CTNND2: variants seen among roughly 807,000 people sequenced by gnomAD.
The protein encoded by CTNND2 is catenin delta 2, also known as catenin delta-2.
A neutral mutation model predicts 144.4 loss-of-function variants in CTNND2; 22 were observed. The ratio of observed to expected loss-of-function variants is 0.15; its 90% CI spans 0.11 to 0.22. The LOEUF is 0.22. Among genes scored for constraint, CTNND2 ranks in the 10% least tolerant of loss-of-function variants. CTNND2 has a pLI of 1.00. For missense variants in CTNND2, 1,353 were observed against 1,618.8 expected (o/e 0.84, Z 2.82); for synonymous variants, 751 against 695.6 (o/e 1.08, Z -1.25).
At chr5:11,094,566 G>A (rs1365098403) in intron 15 of CTNND2, among the ~76,000 whole-genome samples, 2 of 146,302 alleles carry the variant, frequency 1.4e-5, no homozygotes, top group African/African-American at 2.5e-5. Flanking sequence ...TGCAATCTCC[G>A]CCTCCCAGGT....
chr5:11,872,186 A>G lies in CTNND2; in HGVS notation c.37+31631T>C, dbSNP rs150240835. The stretch of plus-strand genomic sequence containing the variant: ...TCTGAGAATGATGGTTTACGGCTTC[A>G]TCCGTGTCCCTGCAAAGGACATGAA... On this transcript the variant is annotated intron_variant, in intron 1 of 21. Transcript: ENST00000304623. 4.4e-3 allele frequency among the ~76,000 whole-genome samples: 664 copies of G among 152,260 alleles called. 5 individuals carry two copies. The highest frequency in any genetic ancestry group is 0.015 in the African/African-American group (618 of 41,540).
At chr5:11,236,474 C>T (rs145862283) in intron 10 of CTNND2, among the ~76,000 whole-genome samples, 88 of 152,260 alleles carry the variant, frequency 5.8e-4, no homozygotes, top group African/African-American at 1.9e-3. Flanking sequence ...CACTATTGGT[C>T]CTCTGTTCCT....
intron 2 of CTNND2, among the ~76,000 whole-genome samples, chr5:11,648,021 T>C (rs1018899215): frequency 6.6e-6 from 1 of 152,234 alleles, no homozygotes; most frequent in Admixed American, 6.5e-5. Flanking sequence ...TATTGCCTTC[T>C]ATATATGTTA....
At chr5:11,075,525 C>T (rs1580211679) in intron 16 of CTNND2, among the ~76,000 whole-genome samples, 2 of 152,320 alleles carry the variant, frequency 1.3e-5, no homozygotes, top group Middle Eastern at 3.4e-3. Context: ...GGGCCAGGCT[C>T]ATGACACGGA....
At position 11,375,921 on chromosome 5, in the gene CTNND2, C is replaced by T. The variant is rs1245538615; in HGVS notation, c.1177+8744G>A. 7.2e-5 allele frequency among the ~76,000 whole-genome samples: 11 copies of T among 152,256 alleles called. No homozygotes were observed. The South Asian group carries it at 2.1e-3, about 29-fold the overall frequency. On this transcript the variant is annotated intron_variant, in intron 7 of 21. Transcript: ENST00000304623. ...AGGGTCTAAATGTTTGTGCTCTCCT[C>T]GCCCCCCGATTATGTTGAAAGCTAA...
chr5:11,458,545 A>T (rs1193762564), intron 3 of CTNND2, among the ~76,000 whole-genome samples: 2 of 152,208 alleles, frequency 1.3e-5, no homozygotes, highest in Non-Finnish European at 2.9e-5. Context: ...CTGAGCAGAC[A>T]CAGTTGGGAA....
chr5:11,569,668 T>C (rs983348088), intron 2 of CTNND2, among the ~76,000 whole-genome samples: 7 of 152,196 alleles, frequency 4.6e-5, no homozygotes, highest in African/African-American at 1.4e-4. Context: ...ATAGCATTAG[T>C]TGGGATGGTA....
At position 11,106,537 on chromosome 5, in the gene CTNND2, T is replaced by C. The variant is rs146276202; in HGVS notation, c.2463+4321A>G. ...AAAGTGGGCAGTGGGGGCTGTCACC[T>C]GGGGGCAGGTAATAAGAGGCTGCAC... On this transcript the variant is annotated intron_variant, in intron 14 of 21. Transcript: ENST00000304623. Among the ~76,000 whole-genome samples the C allele has an allele frequency of 5.9e-3, 896 of 152,290 alleles. 13 individuals are homozygous for C. The highest frequency in any genetic ancestry group is 4.9e-3 in the Non-Finnish European group (335 of 68,016).
intron 3 of CTNND2, among the ~76,000 whole-genome samples, chr5:11,458,523 A>G (rs1018036785): frequency 6.6e-6 from 1 of 152,194 alleles, no homozygotes; most frequent in East Asian, 1.9e-4. Flanking sequence ...CTCCTAATGG[A>G]CGCTTTAGTG....
intron 16 of CTNND2, among the ~76,000 whole-genome samples, chr5:11,038,713 C>T (rs1208286599): frequency 6.6e-6 from 1 of 152,114 alleles, no homozygotes; most frequent in Admixed American, 6.6e-5. Context: ...AATATTTCTG[C>T]CACAGATATA....
chr5:11,772,639 C>T (rs1170313027), intron 1 of CTNND2, among the ~76,000 whole-genome samples: 1 of 152,048 alleles, frequency 6.6e-6, no homozygotes, highest in Non-Finnish European at 1.5e-5. Flanking sequence ...GTGGTAAATC[C>T]CTTTTAATTT....
At chr5:11,012,254 G>A (rs1477694718) in intron 18 of CTNND2, among the ~76,000 whole-genome samples, 1 of 152,116 alleles carries the variant, frequency 6.6e-6, no homozygotes, top group Non-Finnish European at 1.5e-5. Context: ...GGGATTGAGG[G>A]AGAGATGCCC....
chr5:11,065,569 C>G (rs1580183426), intron 16 of CTNND2, among the ~76,000 whole-genome samples: 2 of 152,294 alleles, frequency 1.3e-5, no homozygotes, highest in East Asian at 3.9e-4. Flanking sequence ...ATATTCATCA[C>G]CCACTCTATC....
intron 1 of CTNND2, among the ~76,000 whole-genome samples, chr5:11,741,489 G>A (rs982028586): frequency 2.6e-5 from 4 of 151,960 alleles, no homozygotes; most frequent in Admixed American, 2.6e-4. Context: ...AACACTGCAT[G>A]TTCTCACTCA....
intron 9 of CTNND2, among the ~76,000 whole-genome samples, chr5:11,259,868 A>G (rs1271732529): frequency 6.6e-6 from 1 of 152,212 alleles, no homozygotes; most frequent in Non-Finnish European, 1.5e-5. Context: ...AGCTCACTGT[A>G]TCAAGACTGT....
intron 14 of CTNND2, among the ~76,000 whole-genome samples, chr5:11,107,068 A>G (rs1390182965): frequency 6.6e-6 from 1 of 152,192 alleles, no homozygotes; most frequent in Non-Finnish European, 1.5e-5. Context: ...CTTACTAACT[A>G]TAAGACCTTA....
At chr5:11,609,999 C>A (rs1246234492) in intron 2 of CTNND2, among the ~76,000 whole-genome samples, 2 of 152,210 alleles carry the variant, frequency 1.3e-5, no homozygotes, top group Non-Finnish European at 2.9e-5. Flanking sequence ...TATTTGACAG[C>A]AATTCGGTTT....
At chr5:11,797,138 A>T (rs1434493422) in intron 1 of CTNND2, among the ~76,000 whole-genome samples, 1 of 152,214 alleles carries the variant, frequency 6.6e-6, no homozygotes, top group Admixed American at 6.5e-5. Context: ...TGGCTTTACA[A>T]ATATTTTTCC....
intron 16 of CTNND2, among the ~76,000 whole-genome samples, chr5:11,028,123 G>A (rs1743055727): frequency 6.6e-6 from 1 of 152,204 alleles, no homozygotes; most frequent in African/African-American, 2.4e-5. Context: ...TCTGATCACT[G>A]ATGGAGTCCT....
Sources: allele counts gnomAD v4.1 joint callset (sites outside exome capture counted in the v4.1 genomes callset), GRCh38; gene constraint gnomAD v4.1.1; transcripts MANE v1.5; gene names NCBI Gene and HGNC (gene_info 2026-07-23, HGNC 2026-07-21).